The following ZBTB20 variants were observed in gnomAD, a reference collection of about 807,000 sequenced individuals.
ZBTB20 encodes the protein zinc finger and BTB domain containing 20, also known as zinc finger and BTB domain-containing protein 20.
ZBTB20 carries 9 observed loss-of-function variants against 56.9 expected under a neutral mutation model. That is an observed-to-expected ratio of 0.16 (90% CI 0.10 to 0.28). The LOEUF (loss-of-function observed/expected upper bound fraction) is 0.28, where lower values mean the gene tolerates loss of function less well. ZBTB20 is among the 10% of genes least tolerant of loss of function. ZBTB20 has a pLI of 1.00. For missense variants in ZBTB20, 655 were observed against 1,003.0 expected, an observed-to-expected ratio of 0.65 and a Z score of 4.69; for synonymous variants, 417 against 420.7, an observed-to-expected ratio of 0.99 and a Z score of 0.11.
chr3:114,617,862 T>C (rs2058041670), intron 6 of ZBTB20, among the ~76,000 whole-genome samples: 2 of 152,206 alleles, frequency 1.3e-5, no homozygotes, highest in East Asian at 1.9e-4. Context: ...TTTTCTCAAA[T>C]GCTGTCCCCC....
chr3:114,374,465 T>A (rs2108476691), intron 10 of ZBTB20, among the ~76,000 whole-genome samples: 1 of 152,368 alleles, frequency 6.6e-6, no homozygotes, highest in South Asian at 2.1e-4. Context: ...ATATTTTCTC[T>A]GCAAATTAGT....
In ZBTB20 at chr3:114,318,041, T is replaced by G. The variant is rs1269431759; in HGVS notation, c.*20964A>C. The G allele has an allele frequency of 6.6e-6, 1 of 152,196 alleles. No homozygotes were observed. Among genetic ancestry groups the G allele is most frequent in the Non-Finnish European group, 1.5e-5 (1 of 68,030 alleles). 9.4% of individuals were successfully genotyped at this position (152,196 alleles called of 1,614,324 possible). A position where few individuals can be genotyped will look rare whatever the true frequency, so the allele number is the denominator to read the frequency against. On this transcript the variant is annotated 3_prime_UTR_variant, in exon 12 of 12. Coordinates refer to ENST00000675478, the MANE Select transcript of ZBTB20 (RefSeq NM_001348800.3). ...AAGTGCCCCAGTTAAATATCTCCAGTTCATCATGGTACAGCTTTTGGTGTT... is the reference window on the plus strand; with the variant it reads ...AAGTGCCCCAGTTAAATATCTCCAGGTCATCATGGTACAGCTTTTGGTGTT...
intron 6 of ZBTB20, among the ~76,000 whole-genome samples, chr3:114,650,849 G>A (rs1398925470): frequency 6.6e-6 from 1 of 151,860 alleles, no homozygotes; most frequent in Non-Finnish European, 1.5e-5. Context: ...AAAAATAAAC[G>A]TGATAGCTGT....
At chr3:114,544,335 C>G (rs1366571246) in intron 6 of ZBTB20, among the ~76,000 whole-genome samples, 2 of 152,094 alleles carry the variant, frequency 1.3e-5, no homozygotes, top group Admixed American at 6.6e-5. Flanking sequence ...AAGAACAAAT[C>G]TATTTAAGAT....
At chr3:114,442,751 C>G (rs186902602) in intron 7 of ZBTB20, among the ~76,000 whole-genome samples, 1 of 152,222 alleles carries the variant, frequency 6.6e-6, no homozygotes, top group Non-Finnish European at 1.5e-5. Context: ...TCCACTGAAA[C>G]CTTGAAGGAC....
intron 6 of ZBTB20, among the ~76,000 whole-genome samples, chr3:114,610,478 G>A (rs960522668): frequency 1.3e-5 from 2 of 152,146 alleles, no homozygotes; most frequent in Non-Finnish European, 1.5e-5. Flanking sequence ...TCTGAGCTGT[G>A]TAGTGCAGAC....
At chr3:114,591,225 C>A (rs974443015) in intron 6 of ZBTB20, among the ~76,000 whole-genome samples, 1 of 152,156 alleles carries the variant, frequency 6.6e-6, no homozygotes, top group African/African-American at 2.4e-5. Flanking sequence ...GAAATCAGAA[C>A]AAGCATGAAT....
At chr3:115,018,784 A>T (rs1205352253) in intron 2 of ZBTB20, among the ~76,000 whole-genome samples, 2 of 151,436 alleles carry the variant, frequency 1.3e-5, no homozygotes, top group Non-Finnish European at 3.0e-5. Context: ...TAAAATGAAA[A>T]GACACCAGGG....
intron 3 of ZBTB20, among the ~76,000 whole-genome samples, chr3:114,936,283 T>C (rs998147485): frequency 3.9e-5 from 6 of 152,182 alleles, no homozygotes; most frequent in African/African-American, 1.2e-4. Context: ...CACGCACACA[T>C]GCATGCGCAC....
intron 6 of ZBTB20, among the ~76,000 whole-genome samples, chr3:114,620,538 C>T (rs1225579445): frequency 3.3e-5 from 5 of 152,240 alleles, no homozygotes; most frequent in Non-Finnish European, 7.4e-5. Flanking sequence ...GTGATCCGCC[C>T]GCCTCGGCCT....
chr3:115,049,312 G>A (rs2081455416), intron 2 of ZBTB20, among the ~76,000 whole-genome samples: 1 of 151,942 alleles, frequency 6.6e-6, no homozygotes, highest in African/African-American at 2.4e-5. Context: ...AGTATCTGGT[G>A]GTTACTTTTT....
At chr3:115,123,283 C>A (rs1278436837) in intron 1 of ZBTB20, among the ~76,000 whole-genome samples, 2 of 152,100 alleles carry the variant, frequency 1.3e-5, no homozygotes, top group Non-Finnish European at 2.9e-5. Context: ...TTTCCCTATA[C>A]CATTTTCCCT....
At chr3:114,953,230 CAGA>C (rs1576411505) in intron 3 of ZBTB20, among the ~76,000 whole-genome samples, 1 of 147,774 alleles carries the variant, frequency 6.8e-6, no homozygotes, top group South Asian at 2.3e-4. Context: ...GAAATATCGT[CAGA>C]AGAACAATAG....
chr3:114,699,648 C>A (rs985328089), intron 5 of ZBTB20, among the ~76,000 whole-genome samples: 3 of 152,070 alleles, frequency 2.0e-5, no homozygotes, highest in Non-Finnish European at 4.4e-5. Context: ...TAGGACTGAG[C>A]ATGTAGATAT....
At chr3:114,906,094 C>T (rs1012397886) in intron 3 of ZBTB20, among the ~76,000 whole-genome samples, 1 of 151,754 alleles carries the variant, frequency 6.6e-6, no homozygotes, top group African/African-American at 2.4e-5. Context: ...TCCATAGAGG[C>T]CACACTACTT....
At chr3:114,862,004 CTTAT>C (rs2075557814) in intron 4 of ZBTB20, among the ~76,000 whole-genome samples, 1 of 152,058 alleles carries the variant, frequency 6.6e-6, no homozygotes, top group African/African-American at 2.4e-5. Context: ...GGACATGATT[CTTAT>C]TTGTTTTTCC....
At chr3:114,785,976 A>G (rs2070455000) in intron 5 of ZBTB20, among the ~76,000 whole-genome samples, 1 of 151,638 alleles carries the variant, frequency 6.6e-6, no homozygotes, top group Admixed American at 6.6e-5. Flanking sequence ...TATTCTTTAC[A>G]CTTTTGAAAT....
rs530111831 is a variant in ZBTB20 at position 114,645,492 on chromosome 3, T to C, written c.-295+48036A>G. On this transcript the variant is annotated intron_variant, in intron 6 of 11. Transcript: ENST00000675478. Reference sequence around the variant, plus strand: ...CTTGTTATCCAGAAATTGGCTTTATTTGTTAATTCCAGAGATGCTTCAACT... The same window carrying C: ...CTTGTTATCCAGAAATTGGCTTTATCTGTTAATTCCAGAGATGCTTCAACT... Among the ~76,000 whole-genome samples the C allele has an allele frequency of 3.6e-3, 547 of 152,278 alleles. 1 individual carries two copies. The highest frequency in any genetic ancestry group is 0.012 in the African/African-American group (505 of 41,568).
intron 1 of ZBTB20, among the ~76,000 whole-genome samples, chr3:115,072,146 T>C (rs938446475): frequency 5.9e-5 from 9 of 152,180 alleles, no homozygotes; most frequent in African/African-American, 2.2e-4. Flanking sequence ...TAAAAGAAAT[T>C]TGAATAATTT....
Sources: gnomAD v4.1 joint callset for allele counts (sites outside exome capture counted in the v4.1 genomes callset) on GRCh38, gnomAD v4.1.1 for gene constraint, MANE v1.5 for transcripts, NCBI Gene and HGNC (gene_info 2026-07-23, HGNC 2026-07-21) for gene names.